The following AFF2 variants were observed in gnomAD, a reference collection of about 807,000 sequenced individuals.
The protein encoded by AFF2 is ALF transcription elongation factor 2, also known as AF4/FMR2 family member 2.
AFF2 carries 14 observed loss-of-function variants against 76.9 expected under a neutral mutation model. The observed-to-expected ratio is 0.18, with a 90% CI of 0.12 to 0.28. The LOEUF is 0.28. Ranked by LOEUF, AFF2 falls within the 10% of genes least tolerant of loss-of-function variation. AFF2 has a pLI of 1.00. For missense variants in AFF2, 868 were observed against 1,001.1 expected, an observed-to-expected ratio of 0.87 and a Z score of 1.79; for synonymous variants, 398 against 366.7, an observed-to-expected ratio of 1.09 and a Z score of -0.98.
intron 3 of AFF2, among the ~76,000 whole-genome samples, chrX:148,802,492 A>G (rs2070072705): frequency 8.9e-6 from 1 of 112,469 alleles, no homozygotes; most frequent in African/African-American, 3.2e-5. Context: ...TATTGATAAA[A>G]GAAAAAGTTA....
intron 20 of AFF2, among the ~76,000 whole-genome samples, chrX:148,990,499 A>G (rs1294616567): frequency 8.9e-6 from 1 of 112,637 alleles, no homozygotes; most frequent in African/African-American, 3.2e-5. Flanking sequence ...TAGTACTTCT[A>G]TCGCCTAAGG....
At chrX:148,983,953 C>CATAAAAAAAAAAAAA (rs2072427538) in intron 19 of AFF2, among the ~76,000 whole-genome samples, 1 of 29,124 alleles carries the variant, frequency 3.4e-5, no homozygotes, top group Non-Finnish European at 5.9e-5. Context: ...GTGAAATAGA[C>CATAAAAAAAAAAAAA]AAAAAAAAAA....
rs1171094455 is a variant in AFF2 at position 148,995,986 on chromosome X, GTC to G, written c.*4658_*4659del. ...CTATTGGGGAACTCATTGTTCTCCA[GTC>G]TCTGCAGCAGGAAGCCAGCTGTCAT... On this transcript the variant is annotated 3_prime_UTR_variant, in exon 21 of 21. Transcript: ENST00000370460. The G allele has an allele frequency of 8.9e-6, 1 of 112,761 alleles. No homozygotes were observed. Among genetic ancestry groups the G allele is most frequent in the Non-Finnish European group, 1.9e-5 (1 of 53,330 alleles). 9.3% of individuals were successfully genotyped at this position (112,761 alleles called of 1,213,427 possible). A position where few individuals can be genotyped will look rare whatever the true frequency, so the allele number is the denominator to read the frequency against.
intron 3 of AFF2, among the ~76,000 whole-genome samples, chrX:148,694,161 GACT>G: frequency 1.3e-5 from 1 of 74,984 alleles, no homozygotes; most frequent in African/African-American, 4.4e-5. Context: ...ACACTCTGGG[GACT>G]GTTGTGGGGT....
chrX:148,614,706 T>C (rs2053769242), intron 1 of AFF2, among the ~76,000 whole-genome samples: 1 of 48,338 alleles, frequency 2.1e-5, no homozygotes, highest in Admixed American at 1.7e-4. Flanking sequence ...TCTTTCTTTC[T>C]TTCTTTCTTT....
rs35967616 is a variant in AFF2 at position 148,987,439 on chromosome X, A to T, written c.3696A>T (p.Pro1232=). 275 of 1,209,382 alleles carry T rather than the reference A, an allele frequency of 2.3e-4. 1 individual carries two copies. In the African/African-American group the frequency reaches 4.1e-3, roughly 18 times the overall value. ...INAMGNCNNG[P]VTIPQRIHHM... ...CAATGGGGAACTGTAACAATGGCCC[A>T]GTCACCATTCCCCAGCGCATTCACC... The change falls in exon 20 of 21, where the codon CCA becomes CCT. Residue 1232 remains proline (P), a synonymous_variant. Coordinates refer to ENST00000370460, the MANE Select transcript of AFF2 (RefSeq NM_002025.4).
intron 9 of AFF2, among the ~76,000 whole-genome samples, chrX:148,919,398 A>G (rs1347900791): frequency 9.9e-5 from 11 of 111,230 alleles, no homozygotes; most frequent in Middle Eastern, 4.6e-3. Flanking sequence ...TCAATTTTCA[A>G]TAACCAGTGT....
At chrX:148,841,700 G>A (rs1201242572) in intron 5 of AFF2, among the ~76,000 whole-genome samples, 1 of 111,780 alleles carries the variant, frequency 8.9e-6, no homozygotes, top group Non-Finnish European at 1.9e-5. Flanking sequence ...CTCAGTGCCT[G>A]TGCCTCTAGA....
chrX:148,513,119 G>A (rs1314293440), intron 1 of AFF2, among the ~76,000 whole-genome samples: 4 of 111,875 alleles, frequency 3.6e-5, no homozygotes, highest in African/African-American at 1.3e-4. Context: ...TTAAGATTTG[G>A]TTACATTCTT....
intron 1 of AFF2, among the ~76,000 whole-genome samples, chrX:148,565,482 C>T (rs964827879): frequency 1.2e-4 from 13 of 111,219 alleles, no homozygotes; most frequent in Non-Finnish European, 2.3e-4. Flanking sequence ...CATTGTCATT[C>T]GAGTATGTTA....
intron 1 of AFF2, among the ~76,000 whole-genome samples, chrX:148,561,633 G>C (rs561193276): frequency 3.6e-5 from 4 of 110,987 alleles, no homozygotes; most frequent in African/African-American, 1.3e-4. Context: ...CCTGTACCTC[G>C]TCTCACTCCT....
At chrX:148,681,693 G>A (rs1569553115) in intron 3 of AFF2, among the ~76,000 whole-genome samples, 1 of 108,055 alleles carries the variant, frequency 9.3e-6, no homozygotes, top group East Asian at 2.9e-4. Context: ...GAAAGAAAAA[G>A]AGAAAGAAAG....
intron 3 of AFF2, among the ~76,000 whole-genome samples, chrX:148,773,750 A>AAG (rs1557268333): frequency 1.0e-4 from 10 of 99,491 alleles, no homozygotes; most frequent in African/African-American, 2.5e-4. Context: ...AAGAAAGAGA[A>AAG]AGAAAGAAGG....
chrX:148,986,459 G>A (rs1249236659), intron 19 of AFF2, among the ~76,000 whole-genome samples: 1 of 112,154 alleles, frequency 8.9e-6, no homozygotes, highest in African/African-American at 3.2e-5. Flanking sequence ...TCCTTGTTGC[G>A]AATATTAAAG....
At chrX:148,793,919 AG>A (rs1260906210) in intron 3 of AFF2, among the ~76,000 whole-genome samples, 1 of 112,367 alleles carries the variant, frequency 8.9e-6, no homozygotes, top group Non-Finnish European at 1.9e-5. Context: ...GCAACTCAAA[AG>A]TATTCCATTG....
intron 1 of AFF2, among the ~76,000 whole-genome samples, chrX:148,648,480 T>C (rs1355026354): frequency 1.9e-5 from 2 of 102,937 alleles, no homozygotes; most frequent in Non-Finnish European, 3.9e-5. Context: ...GAGAATCGCT[T>C]GAACCTGGGA....
At chrX:148,587,765 A>G (rs782117468) in intron 1 of AFF2, among the ~76,000 whole-genome samples, 2 of 112,404 alleles carry the variant, frequency 1.8e-5, no homozygotes, top group Non-Finnish European at 3.8e-5. Flanking sequence ...ATGCCCTCCA[A>G]CTGAGAAAGC....
Position 148,998,843 on chromosome X carries a change from G to C in AFF2, c.*7511G>C, listed in dbSNP as rs1038566858. 6 of 105,328 alleles carry C rather than the reference G, an allele frequency of 5.7e-5. No homozygotes were observed. Among genetic ancestry groups the C allele is most frequent in the Non-Finnish European group, 9.8e-5 (5 of 51,106 alleles). The allele number at this position is 105,328 out of a possible 1,213,427, so 8.7% of individuals were successfully genotyped here. A position where few individuals can be genotyped will look rare whatever the true frequency, so the allele number is the denominator to read the frequency against. ...ACTGAAGAAATATTTTGATTGCAAT[G>C]GTCTCTCTCTCTCTCCCCCTCTCTC... On this transcript the variant is annotated 3_prime_UTR_variant, in exon 21 of 21. Coordinates refer to ENST00000370460, the MANE Select transcript of AFF2 (RefSeq NM_002025.4).
At chrX:148,985,492 G>C (rs1361340454) in intron 19 of AFF2, among the ~76,000 whole-genome samples, 2 of 108,132 alleles carry the variant, frequency 1.8e-5, no homozygotes, top group African/African-American at 3.4e-5. Flanking sequence ...TGTGGCACAT[G>C]ACAACTTTGT....
Sources: gnomAD v4.1 joint callset for allele counts (sites outside exome capture counted in the v4.1 genomes callset) on GRCh38, gnomAD v4.1.1 for gene constraint, MANE v1.5 for transcripts, NCBI Gene and HGNC (gene_info 2026-07-23, HGNC 2026-07-21) for gene names.